BCCIP: variants seen among roughly 807,000 people sequenced by gnomAD.
BCCIP encodes the protein BRCA2 and CDKN1A-interacting protein.
A neutral mutation model predicts 32.8 loss-of-function variants in BCCIP; 23 were observed. The observed-to-expected ratio is 0.70, with a 90% CI of 0.51 to 0.99. BCCIP has a LOEUF of 0.99. Ranked by LOEUF, BCCIP falls within the 50% of genes least tolerant of loss-of-function variation. The pLI, the probability that BCCIP is intolerant of heterozygous loss-of-function variation, is 0.00. For missense variants in BCCIP, 378 were observed against 379.8 expected (o/e 1.00, Z 0.04); for synonymous variants, 144 against 137.6 (o/e 1.05, Z -0.33).
chr10:125,830,439 G>A (rs1854495890), intron 3 of BCCIP, 123 bp from the exon 4 acceptor site: 3 of 526,072 alleles, frequency 5.7e-6, no homozygotes, highest in African/African-American at 3.9e-5. Context: ...AGATGGCGGT[G>A]GTAAAACAAA....
chr10:125,828,362 G>C (rs1382127678), intron 3 of BCCIP, among the ~76,000 whole-genome samples: 1 of 152,150 alleles, frequency 6.6e-6, no homozygotes, highest in African/African-American at 2.4e-5. Context: ...GGAGACTTGG[G>C]AGTTGGTCGT....
At chr10:125,836,780 T>G, downstream of BCCIP, 2 of 1,614,158 alleles carry the variant, frequency 1.2e-6, no homozygotes, top group Non-Finnish European at 1.7e-6. Context: ...GGTGATCCAC[T>G]ACTTGCTGTA....
downstream of BCCIP, chr10:125,838,435 A>T (rs1854770830): frequency 6.8e-7 from 1 of 1,460,494 alleles, no homozygotes; most frequent in Non-Finnish European, 9.1e-7. Context: ...TAATATGGAG[A>T]TCATTATACA....
At chr10:125,824,936 G>A (rs1406012956) in intron 1 of BCCIP, among the ~76,000 whole-genome samples, 1 of 152,260 alleles carries the variant, frequency 6.6e-6, no homozygotes, top group African/African-American at 2.4e-5. Flanking sequence ...AGCATGGAGG[G>A]GAGCATGGAG....
downstream of BCCIP, among the ~76,000 whole-genome samples, chr10:125,837,404 C>G (rs1404785798): frequency 6.6e-6 from 1 of 152,150 alleles, no homozygotes; most frequent in Non-Finnish European, 1.5e-5. Context: ...CCCCTCCTTT[C>G]CATTCATGTA....
chr10:125,839,265 A>G, downstream of BCCIP: 1 of 1,466,334 alleles, frequency 6.8e-7, no homozygotes. Flanking sequence ...GGCAGTTGCC[A>G]TCTTTAAGCC....
chr10:125,840,772 A>G (rs1854854933), downstream of BCCIP: 5 of 1,441,046 alleles, frequency 3.5e-6, no homozygotes, highest in South Asian at 6.4e-5. Flanking sequence ...TGTTTGATGA[A>G]TAACTAATAA....
chr10:125,839,131 G>C, downstream of BCCIP: 4 of 1,614,210 alleles, frequency 2.5e-6, no homozygotes, highest in Non-Finnish European at 8.5e-7. Flanking sequence ...AATAACATCT[G>C]CCATTCTGAG....
downstream of BCCIP, chr10:125,838,324 G>T: frequency 6.2e-7 from 1 of 1,613,824 alleles, no homozygotes; most frequent in Non-Finnish European, 8.5e-7. Flanking sequence ...AGGGGATGCA[G>T]CTGAGCAACC....
rs368676268 is a variant in BCCIP at position 125,832,247 on chromosome 10, C to T, written c.599+640C>T. Reference sequence around the variant, plus strand: ...TAGAGACAGGGTCTTGCTACATTGCCCAGGCTGGTCTTGAACTCCTAGGCT... The same window carrying T: ...TAGAGACAGGGTCTTGCTACATTGCTCAGGCTGGTCTTGAACTCCTAGGCT... On this transcript the variant is annotated intron_variant, in intron 5 of 6. Coordinates refer to ENST00000278100, the MANE Select transcript of BCCIP (RefSeq NM_078468.3). Among the ~76,000 whole-genome samples the T allele has an allele frequency of 3.0e-4, 46 of 151,440 alleles. No individual in the cohort carries two copies. In the South Asian group the frequency reaches 9.2e-3, roughly 30 times the overall value.
In BCCIP at chr10:125,828,459, A is replaced by G. The variant is rs563119303; in HGVS notation, c.321+821A>G. ...TAGTAATACCAAGAATACTTCGATG[A>G]GTAATATAAGTGGCAGAGCCAGCAA... is the stretch of plus-strand genomic sequence containing the variant. On this transcript the variant is annotated intron_variant, in intron 3 of 6. Transcript: ENST00000278100. Among the ~76,000 whole-genome samples the G allele has an allele frequency of 1.3e-4, 20 of 152,326 alleles. No individual in the cohort carries two copies. The South Asian group carries it at 4.1e-3, about 32-fold the overall frequency.
chr10:125,845,800 C>T (rs1301787125), downstream of BCCIP, among the ~76,000 whole-genome samples: 1 of 152,266 alleles, frequency 6.6e-6, no homozygotes, highest in Non-Finnish European at 1.5e-5. Context: ...AGTATCCCCA[C>T]TGCCCTCCCA....
downstream of BCCIP, among the ~76,000 whole-genome samples, chr10:125,837,177 T>C (rs1046925930): frequency 3.3e-5 from 5 of 152,334 alleles, no homozygotes; most frequent in South Asian, 8.3e-4. Flanking sequence ...AATCGTATGC[T>C]TAAGAGAGCT....
At chr10:125,850,178 T>A (rs917339649) in intron 7 of BCCIP, among the ~76,000 whole-genome samples, 6 of 150,638 alleles carry the variant, frequency 4.0e-5, no homozygotes, top group Non-Finnish European at 7.4e-5. Flanking sequence ...GGTCTTGTTA[T>A]ATTGCCCAGG....
rs960121850 is a variant in BCCIP at position 125,836,208 on chromosome 10, G to T, written c.879G>T (p.Val293=). ...DDVPMTPLRT[V]MLIPGDKMNE... ...TACCAATGACGCCCTTGCGAACTGT[G>T]ATGTTAATTCCAGGCGACAAGATGA... The change falls in exon 7 of 7, where the codon GTG becomes GTT. Residue 293 remains valine (V), a synonymous_variant. Transcript: ENST00000278100. The T allele has an allele frequency of 1.9e-6, 3 of 1,614,094 alleles. No individual in the cohort carries two copies. Among genetic ancestry groups the T allele is most frequent in the Non-Finnish European group, 2.5e-6 (3 of 1,180,036 alleles).
downstream of BCCIP, among the ~76,000 whole-genome samples, chr10:125,844,945 A>G (rs1329517590): frequency 6.6e-6 from 1 of 152,216 alleles, no homozygotes; most frequent in Admixed American, 6.5e-5. Flanking sequence ...GGCTATCATT[A>G]CAGTATTTCT....
chr10:125,851,920 CAAAAAAAAA>C (rs56380138), intron 7 of BCCIP, among the ~76,000 whole-genome samples: 4 of 86,788 alleles, frequency 4.6e-5, no homozygotes, highest in African/African-American at 1.8e-4. Flanking sequence ...GACCCTGTCT[CAAAAAAAAA>C]AAAAAAAAAA....
chr10:125,835,658 A>G (rs556505753), intron 6 of BCCIP, among the ~76,000 whole-genome samples: 6 of 152,120 alleles, frequency 3.9e-5, no homozygotes, highest in African/African-American at 1.4e-4. Context: ...GGGAGTGTGT[A>G]TGGGTGTTTT....
chr10:125,849,454 T>C (rs1944062993), intron 7 of BCCIP, among the ~76,000 whole-genome samples: 1 of 152,260 alleles, frequency 6.6e-6, no homozygotes, highest in Non-Finnish European at 1.5e-5. Context: ...GAAAGTTGTT[T>C]TGGCATGTTT....
Sources: gnomAD v4.1 joint callset for allele counts (sites outside exome capture counted in the v4.1 genomes callset) on GRCh38, gnomAD v4.1.1 for gene constraint, MANE v1.5 for transcripts, NCBI Gene and HGNC (gene_info 2026-07-23, HGNC 2026-07-21) for gene names.